The following CNGB1 variants were observed in gnomAD, a reference collection of about 807,000 sequenced individuals.
CNGB1 encodes cyclic nucleotide-gated channel beta-1.
Under a neutral mutation model 151.7 loss-of-function variants are expected in CNGB1, and 126 were observed. That is an observed-to-expected ratio of 0.83 (90% CI 0.72 to 0.96). The LOEUF is 0.96. Ranked by LOEUF, CNGB1 falls within the 40% of genes least tolerant of loss-of-function variation. CNGB1 has a pLI of 0.00. For synonymous variants in CNGB1, 623 were observed against 635.1 expected (o/e 0.98, Z 0.29); for missense variants, 1,698 against 1,627.0 (o/e 1.04, Z -0.75).
At chr16:57,966,514 A>G (rs972738897) in intron 2 of CNGB1, among the ~76,000 whole-genome samples, 1 of 152,250 alleles carries the variant, frequency 6.6e-6, no homozygotes, top group African/African-American at 2.4e-5. Context: ...TTACTGGTCC[A>G]TGATGATTAA....
At chr16:57,928,185 C>G (rs927456183) in intron 17 of CNGB1, among the ~76,000 whole-genome samples, 3 of 152,248 alleles carry the variant, frequency 2.0e-5, no homozygotes, top group African/African-American at 7.2e-5. Flanking sequence ...TCCCAGGCAC[C>G]TGGCTTGAGT....
At chr16:57,911,910 G>A (rs780585094) in intron 24 of CNGB1, 35 bp from the exon 25 acceptor site, 10 of 1,610,222 alleles carry the variant, frequency 6.2e-6, no homozygotes, top group African/African-American at 5.3e-5. Context: ...ACACAGCGGC[G>A]GAAGGGGGAG....
chr16:57,945,756 A>C (rs949406719), intron 14 of CNGB1, among the ~76,000 whole-genome samples: 19 of 152,358 alleles, frequency 1.2e-4, no homozygotes, highest in Non-Finnish European at 2.1e-4. Context: ...GGATGAGAGA[A>C]TAATAGAATC....
intron 10 of CNGB1, among the ~76,000 whole-genome samples, chr16:57,958,910 A>G (rs1229121475): frequency 4.9e-5 from 7 of 142,442 alleles, no homozygotes; most frequent in Admixed American, 4.4e-4. Flanking sequence ...GGCACATGCC[A>G]TCATGCCCAG....
intron 22 of CNGB1, among the ~76,000 whole-genome samples, chr16:57,915,668 G>A (rs1960845351): frequency 6.6e-6 from 1 of 152,180 alleles, no homozygotes; most frequent in Non-Finnish European, 1.5e-5. Flanking sequence ...GGAGGCCAAG[G>A]CAGGCAGATC....
chr16:57,913,065 G>C (rs1960776030), intron 23 of CNGB1, 71 bp from the exon 24 acceptor site: 1 of 1,485,370 alleles, frequency 6.7e-7, no homozygotes, highest in East Asian at 2.3e-5. Flanking sequence ...GCCCACGGGC[G>C]CCGAGACTCA....
At chr16:57,950,605 C>CA in intron 12 of CNGB1, 65 bp from the exon 13 acceptor site, 1 of 1,575,138 alleles carries the variant, frequency 6.3e-7, no homozygotes, top group Non-Finnish European at 8.7e-7. Flanking sequence ...GCCTCTGAGT[C>CA]CCAGGGAGCC....
At chr16:57,940,207 G>T in intron 15 of CNGB1, 27 bp downstream of exon 15, 1 of 1,545,866 alleles carries the variant, frequency 6.5e-7, no homozygotes, top group Non-Finnish European at 8.8e-7. Flanking sequence ...AGGCCTCAGA[G>T]GTGCCAGTGC....
chr16:57,961,788 C>T (rs1377682511), intron 7 of CNGB1, among the ~76,000 whole-genome samples: 1 of 152,122 alleles, frequency 6.6e-6, no homozygotes, highest in Non-Finnish European at 1.5e-5. Flanking sequence ...TCAGTAGTGA[C>T]CAGGACAAAA....
At chr16:57,888,116 G>A (rs1324117260) in intron 31 of CNGB1, 42 bp from the exon 32 acceptor site, 16 of 1,590,992 alleles carry the variant, frequency 1.0e-5, no homozygotes, top group Non-Finnish European at 1.3e-5. Flanking sequence ...GACGCACTCT[G>A]GGGGAAAAGA....
At chr16:57,970,020 G>A (rs756531905) in intron 1 of CNGB1, among the ~76,000 whole-genome samples, 3 of 152,182 alleles carry the variant, frequency 2.0e-5, no homozygotes, top group Non-Finnish European at 4.4e-5. Flanking sequence ...CAGAGCCCAC[G>A]GCTGTGCTGC....
chr16:57,902,225 C>CA (rs1408364074), intron 27 of CNGB1, among the ~76,000 whole-genome samples: 13 of 151,826 alleles, frequency 8.6e-5, no homozygotes, highest in Non-Finnish European at 1.6e-4. Context: ...TGCCCACCAC[C>CA]ACGCGGGCTA....
chr16:57,912,666 TTG>T (rs1221093568), intron 24 of CNGB1, among the ~76,000 whole-genome samples: 3 of 148,620 alleles, frequency 2.0e-5, no homozygotes, highest in East Asian at 4.0e-4. Context: ...TTGTGTGTGT[TTG>T]TGTGTGTTGT....
rs146174302 is a variant in CNGB1, at chr16:57,917,627, TACACACACACACACACAC to T, written c.1958-169_1958-152del. 2.6e-4 allele frequency: 145 copies of T among 567,102 alleles called. 1 individual carries two copies. The highest frequency in any genetic ancestry group is 2.1e-3 in the African/African-American group (104 of 48,442). The allele number at this position is 567,102 out of a possible 1,614,324, so 35.1% of individuals were successfully genotyped here. On this transcript the variant is annotated intron_variant, in intron 20 of 32. Transcript: ENST00000251102. ...GTGTATGTGTGTGTGTGTGTATATATACACACACACACACACACACACATACACACACACACAACTCTC... is the reference window on the plus strand; with the variant it reads ...GTGTATGTGTGTGTGTGTGTATATATACACATACACACACACACAACTCTC...
At chr16:57,938,425 G>A (rs960951559) in intron 16 of CNGB1, among the ~76,000 whole-genome samples, 1 of 152,166 alleles carries the variant, frequency 6.6e-6, no homozygotes, top group Non-Finnish European at 1.5e-5. Context: ...ACACATCCTC[G>A]TCCCAATATT....
chr16:57,915,395 G>A, intron 22 of CNGB1, 60 bp from the exon 23 acceptor site: 1 of 1,299,478 alleles, frequency 7.7e-7, no homozygotes, highest in Non-Finnish European at 1.1e-6. Flanking sequence ...GGAAGGTGAG[G>A]GGAGTGAGAG....
intron 7 of CNGB1, 108 bp downstream of exon 7, chr16:57,962,457 T>C (rs141475570): frequency 3.7e-4 from 364 of 975,716 alleles, no homozygotes; most frequent in Non-Finnish European, 5.6e-4. Flanking sequence ...GGGAGGCATG[T>C]CCAAGGTCAC....
Position 57,912,915 on chromosome 16 carries a change from CA to C in CNGB1, c.2369+14del. On this transcript the variant is annotated intron_variant, in intron 24 of 32. Transcript: ENST00000251102. ...ATGTGTGTGTGCATGCATGCACATG[CA>C]GGGGGAGTCTCACCTGTACACGTAG... 1 of 1,613,452 alleles carries C rather than the reference CA, an allele frequency of 6.2e-7. No individual in the cohort carries two copies. The highest frequency in any genetic ancestry group is 2.2e-5 in the East Asian group (1 of 44,856).
chr16:57,963,186 G>A, intron 4 of CNGB1, 122 bp from the exon 5 acceptor site: 1 of 838,300 alleles, frequency 1.2e-6, no homozygotes, highest in Non-Finnish European at 2.1e-6. Context: ...TGTGTGTGGT[G>A]TGGTTATTGG....
Sources: gnomAD v4.1 joint callset for allele counts (sites outside exome capture counted in the v4.1 genomes callset) on GRCh38, gnomAD v4.1.1 for gene constraint, MANE v1.5 for transcripts, NCBI Gene and HGNC (gene_info 2026-07-23, HGNC 2026-07-21) for gene names.